Variants in DNAJC7 observed in about 807,000 individuals in gnomAD.
DNAJC7 encodes the protein DnaJ heat shock protein family (Hsp40) member C7, also known as dnaJ homolog subfamily C member 7.
Under a neutral mutation model 67.4 loss-of-function variants are expected in DNAJC7, and 18 were observed. The ratio of observed to expected loss-of-function variants is 0.27; its 90% CI spans 0.18 to 0.40. The LOEUF is 0.40. Ranked by LOEUF, DNAJC7 falls within the 10% of genes least tolerant of loss-of-function variation. DNAJC7 has a pLI of 1.00. For synonymous variants in DNAJC7, 220 were observed against 207.8 expected (o/e 1.06, Z -0.50); for missense variants, 419 against 613.8 (o/e 0.68, Z 3.35).
chr17:41,989,096 A>T (rs892670503), intron 7 of DNAJC7, among the ~76,000 whole-genome samples, 200 bp from the exon 8 acceptor site: 9 of 152,132 alleles, frequency 5.9e-5, no homozygotes, highest in African/African-American at 2.2e-4. Context: ...CAAAAATACC[A>T]ATGAGACCTA....
At chr17:42,006,657 C>T (rs572739190) in intron 1 of DNAJC7, among the ~76,000 whole-genome samples, 1 of 150,812 alleles carries the variant, frequency 6.6e-6, no homozygotes, top group Admixed American at 6.6e-5. Flanking sequence ...ATTAGCCGGG[C>T]GTGGTGGCAT....
At chr17:41,986,265 C>T (rs921557979) in intron 9 of DNAJC7, among the ~76,000 whole-genome samples, 20 of 151,910 alleles carry the variant, frequency 1.3e-4, no homozygotes, top group Admixed American at 3.3e-4. Flanking sequence ...ACTTCGGAGG[C>T]TGAAGCAGGA....
chr17:41,988,611 A>G, intron 8 of DNAJC7, 121 bp downstream of exon 8: 1 of 1,240,926 alleles, frequency 8.1e-7, no homozygotes, highest in Non-Finnish European at 1.1e-6. Flanking sequence ...CTAACAAACT[A>G]TTAACCATAA....
At chr17:41,989,893 T>C (rs1450297045) in intron 6 of DNAJC7, among the ~76,000 whole-genome samples, 3 of 152,226 alleles carry the variant, frequency 2.0e-5, no homozygotes, top group Non-Finnish European at 4.4e-5. Flanking sequence ...AGGGCAACCT[T>C]TGCACTGCAA....
intron 5 of DNAJC7, among the ~76,000 whole-genome samples, chr17:41,993,456 C>T (rs1396277861): frequency 6.6e-6 from 1 of 151,896 alleles, no homozygotes; most frequent in Non-Finnish European, 1.5e-5. Context: ...AAGACTCTGC[C>T]TCAAAACAAA....
At position 41,981,600 on chromosome 17, in the gene DNAJC7, G is replaced by A. The variant is rs552293411; in HGVS notation, c.1384+255C>T. On this transcript the variant is annotated intron_variant, in intron 12 of 13. Transcript: ENST00000457167. ...TTGCCTTGGCCTCCCAAAGTGCTGG[G>A]ATTACAGGCATGACCCATGGGGCCA... 1.0e-3 allele frequency: 428 copies of A among 421,904 alleles called. 4 individuals are homozygous for A. The highest frequency in any genetic ancestry group is 7.9e-3 in the African/African-American group (390 of 49,310). 26.1% of individuals were successfully genotyped at this position (421,904 alleles called of 1,614,324 possible).
chr17:41,987,688 A>T (rs2051417684), intron 9 of DNAJC7, 131 bp downstream of exon 9: 1 of 707,460 alleles, frequency 1.4e-6, no homozygotes, highest in Non-Finnish European at 2.4e-6. Context: ...GGCTGGAACA[A>T]TCCCACCTAG....
intron 1 of DNAJC7, among the ~76,000 whole-genome samples, chr17:42,002,184 A>C (rs1277838450): frequency 6.6e-6 from 1 of 152,232 alleles, no homozygotes; most frequent in Admixed American, 6.5e-5. Flanking sequence ...GGACTTCCCC[A>C]AAACTGGATT....
chr17:41,994,931 T>G lies in DNAJC7; in HGVS notation c.419A>C (p.Asn140Thr), dbSNP rs782593746. The G allele has an allele frequency of 6.2e-7, 1 of 1,613,732 alleles. No homozygotes were observed. The highest frequency in any genetic ancestry group is 1.7e-5 in the Admixed American group (1 of 59,964). ...TATTTTCTCATATTCCATGACTGCA[T>G]TAGCATTCTTGAACTGCACCGGAAA... ...AQAQQEFKNA[N>T]AVMEYEKIAE... Residue 140 changes from asparagine (N) to threonine (T), a missense_variant, in exon 5 of 14, where the codon AAT becomes ACT. This residue lies in a region of DNAJC7 where 179 missense variants were observed against 249.7 expected (regional missense o/e 0.72). Transcript: ENST00000457167.
At chr17:42,015,473 T>C (rs916086295) in intron 1 of DNAJC7, 3 of 152,122 alleles carry the variant, frequency 2.0e-5, no homozygotes, top group Non-Finnish European at 2.9e-5. Context: ...TTGCTTAAGA[T>C]AGGAGGCTAT....
In DNAJC7 at chr17:41,997,219, T is replaced by C. The variant is rs1416466231; in HGVS notation, c.187A>G (p.Ser63Gly). ...GTGGCTGCTCGATTACCATAATAGCTAGCATTTTTAGGACACATATCTATA... is the reference window on the plus strand; with the variant it reads ...GTGGCTGCTCGATTACCATAATAGCCAGCATTTTTAGGACACATATCTATA... ...KAIDMCPKNA[S>G]YYGNRAATLM... Residue 63 changes from serine (S) to glycine (G), a missense_variant, in exon 3 of 14, where the codon AGC becomes GGC. Ser to Gly is a moderately conservative substitution (Grantham distance 56). Around this residue, in one of 4 missense-constraint regions of DNAJC7, gnomAD observed 179 missense variants for 249.7 expected, o/e 0.72. Transcript: ENST00000457167. The C allele has an allele frequency of 3.7e-6, 6 of 1,613,640 alleles. No individual in the cohort carries two copies. Among genetic ancestry groups the C allele is most frequent in the Non-Finnish European group, 5.1e-6 (6 of 1,179,798 alleles).
rs60465121 is a variant in DNAJC7, at chr17:42,005,927, CTTTA to C, written c.78-5361_78-5358del. Reference sequence around the variant, plus strand: ...GGCCAATTTTTTTTTGAGAAAAGAGCTTTATTTATTTATTTATTTAATTTTTTTT... The same window carrying C: ...GGCCAATTTTTTTTTGAGAAAAGAGCTTTATTTATTTATTTAATTTTTTTT... On this transcript the variant is annotated intron_variant, in intron 1 of 13. Coordinates refer to ENST00000457167, the MANE Select transcript of DNAJC7 (RefSeq NM_003315.4). Among the ~76,000 whole-genome samples the C allele has an allele frequency of 4.5e-3, 665 of 146,444 alleles. 5 individuals carry two copies. Among genetic ancestry groups the C allele is most frequent in the Non-Finnish European group, 6.8e-3 (449 of 66,320 alleles).
At chr17:42,012,459 G>T (rs968415255) in intron 1 of DNAJC7, among the ~76,000 whole-genome samples, 3 of 152,204 alleles carry the variant, frequency 2.0e-5, no homozygotes. Context: ...CTCCAGCCTG[G>T]TGACAGAGCG....
chr17:42,006,145 C>T (rs888119733), intron 1 of DNAJC7, among the ~76,000 whole-genome samples: 3 of 150,632 alleles, frequency 2.0e-5, no homozygotes, highest in Non-Finnish European at 3.0e-5. Flanking sequence ...GGGATATCAT[C>T]GTGTTAGCCA....
chr17:42,001,325 T>C (rs971887039), intron 1 of DNAJC7, among the ~76,000 whole-genome samples: 2 of 152,184 alleles, frequency 1.3e-5, no homozygotes, highest in Non-Finnish European at 2.9e-5. Flanking sequence ...AACTGGGTGA[T>C]AGCAGTATTT....
intron 5 of DNAJC7, among the ~76,000 whole-genome samples, chr17:41,993,136 T>C (rs2051552365): frequency 6.6e-6 from 1 of 152,250 alleles, no homozygotes; most frequent in Non-Finnish European, 1.5e-5. Flanking sequence ...TCAGTCAATG[T>C]GAATGATTCT....
In DNAJC7 at chr17:41,982,314, T is replaced by C. The variant is rs1215927934; in HGVS notation, c.1172A>G (p.Asn391Ser). ...TTTCTTGATCTCGTCCTCAGAGGCA[T>C]TCTTGTCCACTCCTAGAATCTTGTA... ...DYYKILGVDK[N>S]ASEDEIKKAY... The change falls in exon 11 of 14, where the codon AAT becomes AGT. Residue 391 changes from asparagine to serine, a missense_variant. By Grantham distance (46) the Asn-to-Ser change is conservative. Transcript: ENST00000457167. The C allele has an allele frequency of 1.9e-6, 3 of 1,613,914 alleles. No individual in the cohort carries two copies. The highest frequency in any genetic ancestry group is 2.7e-5 in the African/African-American group (2 of 74,936).
intron 2 of DNAJC7, 47 bp from the exon 3 acceptor site, chr17:41,997,286 C>T (rs1360082460): frequency 1.9e-6 from 3 of 1,590,794 alleles, no homozygotes; most frequent in Non-Finnish European, 2.6e-6. Flanking sequence ...GAACAGGTCC[C>T]TGCTTTGAAA....
chr17:42,002,508 T>C (rs1047372957), intron 1 of DNAJC7, among the ~76,000 whole-genome samples: 1 of 152,092 alleles, frequency 6.6e-6, no homozygotes, highest in African/African-American at 2.4e-5. Context: ...CAAAGGATGA[T>C]TTTGGTGGAC....
Sources: allele counts gnomAD v4.1 joint callset (sites outside exome capture counted in the v4.1 genomes callset), GRCh38; gene constraint gnomAD v4.1.1; regional missense constraint gnomAD v4.1.1; transcripts MANE v1.5; gene names NCBI Gene and HGNC (gene_info 2026-07-23, HGNC 2026-07-21).